Variants in CPNE8 observed in about 807,000 individuals in gnomAD.
CPNE8 encodes copine 8.
A neutral mutation model predicts 81.5 loss-of-function variants in CPNE8; 45 were observed. The observed-to-expected ratio is 0.55, with a 90% confidence interval of 0.44 to 0.71. CPNE8 has a LOEUF of 0.71. Ranked by LOEUF, CPNE8 falls within the 30% of genes least tolerant of loss-of-function variation. CPNE8 has a pLI of 0.00. For synonymous variants in CPNE8, 252 were observed against 226.3 expected, an observed-to-expected ratio of 1.11 and a Z score of -1.02; for missense variants, 594 against 672.1, an observed-to-expected ratio of 0.88 and a Z score of 1.28.
intron 3 of CPNE8, among the ~76,000 whole-genome samples, chr12:38,860,385 C>A (rs369056881): frequency 0.013 from 1,444 of 110,796 alleles, no homozygotes; most frequent in Middle Eastern, 0.015. Context: ...TGGCTATTAT[C>A]AAAAAAAAAA....
Position 38,681,743 on chromosome 12 carries a change from A to G in CPNE8, c.1271+3747T>C, listed in dbSNP as rs574089131. ...TCTACCAACCTGTCCTACAAATTAC[A>G]TTCTTGCTATCCCTTACAATTACAT... On this transcript the variant is annotated intron_variant, in intron 16 of 19. Coordinates refer to ENST00000331366, the MANE Select transcript of CPNE8 (RefSeq NM_153634.3). Among the ~76,000 whole-genome samples, 19 of 152,292 alleles carry G rather than the reference A, an allele frequency of 1.2e-4. No individual in the cohort carries two copies. In the South Asian group the frequency reaches 3.5e-3, roughly 28 times the overall value.
intron 10 of CPNE8, among the ~76,000 whole-genome samples, chr12:38,749,559 T>C (rs1941308293): frequency 6.6e-6 from 1 of 152,194 alleles, no homozygotes; most frequent in Non-Finnish European, 1.5e-5. Context: ...GATAGCGATA[T>C]GGACAGTAAG....
intron 1 of CPNE8, among the ~76,000 whole-genome samples, chr12:38,897,616 T>C (rs1422945359): frequency 1.3e-5 from 2 of 150,360 alleles, no homozygotes; most frequent in African/African-American, 4.9e-5. Flanking sequence ...ATAATTATAT[T>C]CTATATTAAT....
At chr12:38,705,226 G>T (rs1303641700) in intron 13 of CPNE8, among the ~76,000 whole-genome samples, 1 of 151,908 alleles carries the variant, frequency 6.6e-6, no homozygotes, top group African/African-American at 2.4e-5. Context: ...TGGAACTATT[G>T]GATAAATAAT....
chr12:38,672,055 G>T (rs1004406586), intron 18 of CPNE8, among the ~76,000 whole-genome samples: 1 of 151,890 alleles, frequency 6.6e-6, no homozygotes, highest in African/African-American at 2.4e-5. Flanking sequence ...ATCTAAATTT[G>T]CTTTTACAAT....
intron 19 of CPNE8, among the ~76,000 whole-genome samples, chr12:38,666,537 G>A (rs1435901749): frequency 6.6e-6 from 1 of 152,120 alleles, no homozygotes; most frequent in African/African-American, 2.4e-5. Flanking sequence ...GCTATACGTG[G>A]AGAAATTTGA....
chr12:38,708,540 G>A (rs1940170742), intron 13 of CPNE8, among the ~76,000 whole-genome samples: 1 of 152,164 alleles, frequency 6.6e-6, no homozygotes, highest in African/African-American at 2.4e-5. Flanking sequence ...CCAGTTAGCA[G>A]CATTATATTT....
chr12:38,704,826 G>GTATATATATGTA (rs58878926), intron 13 of CPNE8, among the ~76,000 whole-genome samples: 5 of 50,200 alleles, frequency 1.0e-4, no homozygotes, highest in South Asian at 8.1e-4. Context: ...GTATGTATGT[G>GTATATATATGTA]TATATATATA....
Position 38,713,402 on chromosome 12 carries a change from A to G in CPNE8, c.914+10370T>C, listed in dbSNP as rs374828731. On this transcript the variant is annotated intron_variant, in intron 13 of 19. Transcript: ENST00000331366. ...AACGAAGATATAGAGTTCAGCTGAG[A>G]CAAATTCGGTAGAGGCAATACAAAA... is the stretch of plus-strand genomic sequence containing the variant. 4.6e-5 allele frequency among the ~76,000 whole-genome samples: 7 copies of G among 152,112 alleles called. No homozygotes were observed. The East Asian group carries it at 1.3e-3, about 29-fold the overall frequency.
chr12:38,727,838 C>T (rs948605757), intron 11 of CPNE8, among the ~76,000 whole-genome samples: 1 of 152,130 alleles, frequency 6.6e-6, no homozygotes, highest in Non-Finnish European at 1.5e-5. Context: ...TACACATGCC[C>T]AAGGAAGATC....
intron 6 of CPNE8, among the ~76,000 whole-genome samples, chr12:38,796,657 C>T (rs183588611): frequency 1.6e-3 from 241 of 152,146 alleles, no homozygotes; most frequent in Non-Finnish European, 2.8e-3. Flanking sequence ...ATCTGAGGTA[C>T]CAGGTTCATC....
At chr12:38,837,292 T>C (rs940753969) in intron 5 of CPNE8, among the ~76,000 whole-genome samples, 8 of 152,156 alleles carry the variant, frequency 5.3e-5, no homozygotes, top group African/African-American at 1.9e-4. Context: ...GTAAACTGTG[T>C]TGATGAATTA....
At chr12:38,701,978 T>C (rs1246707395) in intron 14 of CPNE8, among the ~76,000 whole-genome samples, 1 of 152,222 alleles carries the variant, frequency 6.6e-6, no homozygotes, top group African/African-American at 2.4e-5. Context: ...AAATATTTCC[T>C]GGATCTGAAT....
intron 10 of CPNE8, among the ~76,000 whole-genome samples, chr12:38,735,286 T>C (rs1266558043): frequency 6.6e-6 from 1 of 152,030 alleles, no homozygotes; most frequent in Non-Finnish European, 1.5e-5. Context: ...TGAAATGTAG[T>C]TATGATGACC....
In CPNE8 at chr12:38,660,726, G is replaced by A. The variant is rs139903826; in HGVS notation, c.1507-6656C>T. On this transcript the variant is annotated intron_variant, in intron 19 of 19. Coordinates refer to ENST00000331366, the MANE Select transcript of CPNE8 (RefSeq NM_153634.3). ...TTGCAATCTACCCATCTGACAAAGG[G>A]CTAATATCCAGAATCTACAAAGCAC... Among the ~76,000 whole-genome samples the A allele has an allele frequency of 1.6e-3, 244 of 152,148 alleles. 2 individuals are homozygous for A. Among genetic ancestry groups the A allele is most frequent in the African/African-American group, 5.7e-3 (237 of 41,512 alleles).
intron 2 of CPNE8, among the ~76,000 whole-genome samples, 200 bp from the exon 3 acceptor site, chr12:38,873,250 T>A (rs1944018776): frequency 6.6e-6 from 1 of 152,178 alleles, no homozygotes; most frequent in Non-Finnish European, 1.5e-5. Context: ...AACAAACTGT[T>A]ATGCCAGATC....
intron 16 of CPNE8, among the ~76,000 whole-genome samples, chr12:38,680,272 G>A (rs1031830091): frequency 1.3e-5 from 2 of 151,968 alleles, no homozygotes; most frequent in African/African-American, 4.8e-5. Flanking sequence ...AAGAATATAA[G>A]ATAAGAAACT....
chr12:38,695,558 A>AT (rs1004835439), intron 14 of CPNE8, among the ~76,000 whole-genome samples: 2 of 152,062 alleles, frequency 1.3e-5, no homozygotes, highest in African/African-American at 4.8e-5. Context: ...GTCCAGTGTG[A>AT]TTTTTCTTTG....
chr12:38,717,773 A>G (rs1053498493), intron 13 of CPNE8, among the ~76,000 whole-genome samples: 2 of 151,742 alleles, frequency 1.3e-5, no homozygotes, highest in East Asian at 3.9e-4. Flanking sequence ...GAACTTATCC[A>G]TGCAACCAAA....
Sources: gnomAD v4.1 joint callset for allele counts (sites outside exome capture counted in the v4.1 genomes callset) on GRCh38, gnomAD v4.1.1 for gene constraint, MANE v1.5 for transcripts, NCBI Gene and HGNC (gene_info 2026-07-23, HGNC 2026-07-21) for gene names.